Variants in GRM7 observed in about 807,000 individuals in gnomAD.
The protein encoded by GRM7 is glutamate metabotropic receptor 7, also known as metabotropic glutamate receptor 7.
In GRM7, 35 loss-of-function variants were observed where a neutral mutation model predicts 84.5. The observed-to-expected ratio is 0.41, with a 90% CI of 0.32 to 0.55. The LOEUF (loss-of-function observed/expected upper bound fraction) is 0.55, where lower values mean the gene tolerates loss of function less well. Among genes scored for constraint, GRM7 ranks in the 20% least tolerant of loss-of-function variants. The pLI, the probability that GRM7 is intolerant of heterozygous loss-of-function variation, is 0.19. For synonymous variants in GRM7, 487 were observed against 455.1 expected (o/e 1.07, Z -0.89); for missense variants, 1,003 against 1,194.6 (o/e 0.84, Z 2.36).
At chr3:6,959,622 G>C (rs557331419) in intron 1 of GRM7, among the ~76,000 whole-genome samples, 2 of 152,088 alleles carry the variant, frequency 1.3e-5, no homozygotes, top group Non-Finnish European at 2.9e-5. Flanking sequence ...CTCATTAAGG[G>C]TTGCAGTTAC....
intron 7 of GRM7, among the ~76,000 whole-genome samples, chr3:7,489,691 A>G (rs1057495673): frequency 1.3e-5 from 2 of 152,130 alleles, no homozygotes; most frequent in African/African-American, 4.8e-5. Flanking sequence ...TTACAATACA[A>G]TATTATACAT....
At chr3:7,090,950 GAA>G (rs1698642032) in intron 1 of GRM7, among the ~76,000 whole-genome samples, 2 of 152,040 alleles carry the variant, frequency 1.3e-5, no homozygotes, top group Non-Finnish European at 2.9e-5. Context: ...TACATAAAAA[GAA>G]AGAAATAGAA....
At chr3:7,514,747 T>C (rs1284475200) in intron 7 of GRM7, among the ~76,000 whole-genome samples, 4 of 152,192 alleles carry the variant, frequency 2.6e-5, no homozygotes, top group African/African-American at 7.2e-5. Context: ...TGGTGCAATA[T>C]AAATCCACTG....
At chr3:7,083,924 A>T (rs1574879234) in intron 1 of GRM7, among the ~76,000 whole-genome samples, 2 of 152,176 alleles carry the variant, frequency 1.3e-5, no homozygotes, top group South Asian at 4.1e-4. Flanking sequence ...ATGAGGTGGG[A>T]ATGTGTTTGA....
intron 8 of GRM7, among the ~76,000 whole-genome samples, chr3:7,612,037 T>C (rs1696873158): frequency 6.6e-6 from 1 of 152,176 alleles, no homozygotes; most frequent in Non-Finnish European, 1.5e-5. Context: ...CTCAGATTTC[T>C]CCTGTATCTC....
chr3:7,066,448 A>C (rs1697666967), intron 1 of GRM7, among the ~76,000 whole-genome samples: 1 of 151,836 alleles, frequency 6.6e-6, no homozygotes, highest in Admixed American at 6.6e-5. Flanking sequence ...TTCCTGGAAA[A>C]ATACAACACT....
At chr3:7,506,596 A>G (rs1700046122) in intron 7 of GRM7, among the ~76,000 whole-genome samples, 1 of 152,190 alleles carries the variant, frequency 6.6e-6, no homozygotes, top group Admixed American at 6.6e-5. Context: ...AAAAATGTTT[A>G]TTTAGCCCAC....
chr3:6,946,514 T>A (rs188338674), intron 1 of GRM7, among the ~76,000 whole-genome samples: 4 of 152,340 alleles, frequency 2.6e-5, no homozygotes, highest in Admixed American at 2.6e-4. Flanking sequence ...GCTTTGTTCT[T>A]TTGGCTTAGG....
intron 2 of GRM7, among the ~76,000 whole-genome samples, chr3:7,247,738 T>C (rs1697829268): frequency 1.3e-5 from 2 of 151,536 alleles, no homozygotes; most frequent in African/African-American, 4.8e-5. Context: ...CCCATCTCCA[T>C]AATGTTTTAT....
intron 8 of GRM7, among the ~76,000 whole-genome samples, chr3:7,666,699 G>C (rs1017648092): frequency 6.6e-6 from 1 of 152,100 alleles, no homozygotes; most frequent in African/African-American, 2.4e-5. Flanking sequence ...TGAGGGCATT[G>C]GGATGAGAAG....
intron 2 of GRM7, among the ~76,000 whole-genome samples, chr3:7,287,216 T>C (rs943899350): frequency 3.3e-5 from 5 of 152,176 alleles, no homozygotes; most frequent in Non-Finnish European, 5.9e-5. Context: ...TTTCAAACTC[T>C]CAGGTGTGAT....
chr3:7,390,630 G>A (rs1218371629), intron 4 of GRM7, among the ~76,000 whole-genome samples: 1 of 151,944 alleles, frequency 6.6e-6, no homozygotes, highest in Non-Finnish European at 1.5e-5. Context: ...TATTTCTTCT[G>A]TTTCACTTAG....
At chr3:6,963,113 C>T (rs2125084438) in intron 1 of GRM7, among the ~76,000 whole-genome samples, 1 of 152,238 alleles carries the variant, frequency 6.6e-6, no homozygotes, top group South Asian at 2.1e-4. Flanking sequence ...CCCTTATTTT[C>T]TTTGGAGATG....
intron 4 of GRM7, among the ~76,000 whole-genome samples, chr3:7,350,263 C>A (rs1209429024): frequency 6.6e-6 from 1 of 152,042 alleles, no homozygotes; most frequent in Non-Finnish European, 1.5e-5. Flanking sequence ...TGTGTCCCCA[C>A]CCAAATTTCA....
intron 4 of GRM7, among the ~76,000 whole-genome samples, chr3:7,352,320 T>C (rs1406232695): frequency 6.6e-6 from 1 of 152,120 alleles, no homozygotes; most frequent in Non-Finnish European, 1.5e-5. Flanking sequence ...TCAGTGACTC[T>C]ATACATGGCA....
At chr3:7,562,005 G>T (rs540579237) in intron 7 of GRM7, among the ~76,000 whole-genome samples, 2 of 152,034 alleles carry the variant, frequency 1.3e-5, no homozygotes, top group African/African-American at 4.8e-5. Flanking sequence ...CCCTGAACTC[G>T]CAACTGAGTT....
intron 1 of GRM7, among the ~76,000 whole-genome samples, chr3:7,061,095 T>A (rs1428593760): frequency 6.6e-6 from 1 of 151,758 alleles, no homozygotes; most frequent in Non-Finnish European, 1.5e-5. Flanking sequence ...CTATTAAGAT[T>A]TATATGTGGG....
At chr3:7,202,766 C>A (rs1456457944) in intron 2 of GRM7, among the ~76,000 whole-genome samples, 1 of 152,140 alleles carries the variant, frequency 6.6e-6, no homozygotes. Context: ...GCCAAAATCT[C>A]CAGGGAAGGG....
At chr3:7,628,167 C>A (rs1015315522) in intron 8 of GRM7, among the ~76,000 whole-genome samples, 1 of 152,092 alleles carries the variant, frequency 6.6e-6, no homozygotes, top group Non-Finnish European at 1.5e-5. Context: ...TTAGAGTCTT[C>A]TTCTCTTCCA....
Sources: gnomAD v4.1 joint callset for allele counts (sites outside exome capture counted in the v4.1 genomes callset) on GRCh38, gnomAD v4.1.1 for gene constraint, MANE v1.5 for transcripts, NCBI Gene and HGNC (gene_info 2026-07-23, HGNC 2026-07-21) for gene names.